SLC44A5: variants seen among roughly 807,000 people sequenced by gnomAD.
SLC44A5 encodes the protein choline transporter-like protein 5.
A neutral mutation model predicts 101.8 loss-of-function variants in SLC44A5; 57 were observed. The observed-to-expected ratio is 0.56, with a 90% confidence interval of 0.45 to 0.70. The LOEUF (loss-of-function observed/expected upper bound fraction) is 0.70. Ranked by LOEUF, SLC44A5 falls within the 30% of genes least tolerant of loss-of-function variation. SLC44A5 has a pLI of 0.00. For missense variants in SLC44A5, 737 were observed against 853.1 expected (o/e 0.86, Z 1.70); for synonymous variants, 281 against 290.9 (o/e 0.97, Z 0.35).
At chr1:75,321,441 G>A (rs965627355) in intron 4 of SLC44A5, among the ~76,000 whole-genome samples, 1 of 148,428 alleles carries the variant, frequency 6.7e-6, no homozygotes, top group African/African-American at 2.6e-5. Flanking sequence ...TTGCTGTATT[G>A]TTATATGGCA....
the SLC44A5 span, among the ~76,000 whole-genome samples, chr1:75,664,658 C>T: frequency 6.6e-6 from 1 of 151,998 alleles, no homozygotes; most frequent in African/African-American, 2.4e-5. Flanking sequence ...GAAGAAATCA[C>T]AGCCTGTAAT....
chr1:75,663,313 T>C, the SLC44A5 span, among the ~76,000 whole-genome samples: 2 of 152,164 alleles, frequency 1.3e-5, no homozygotes, highest in African/African-American at 4.8e-5. Context: ...AGCATTCTTT[T>C]GTTCCATCAT....
At chr1:75,634,515 T>A in the SLC44A5 span, among the ~76,000 whole-genome samples, 6 of 151,036 alleles carry the variant, frequency 4.0e-5, no homozygotes, top group Non-Finnish European at 8.8e-5. Context: ...GCCGCATATC[T>A]ACAACTATCT....
At chr1:75,656,032 T>C in the SLC44A5 span, among the ~76,000 whole-genome samples, 1 of 152,052 alleles carries the variant, frequency 6.6e-6, no homozygotes, top group African/African-American at 2.4e-5. Context: ...AAATAACATA[T>C]AAAGGAGTTC....
chr1:75,544,832 GT>G (rs1671555990), intron 1 of SLC44A5, among the ~76,000 whole-genome samples: 1 of 151,962 alleles, frequency 6.6e-6, no homozygotes, highest in Non-Finnish European at 1.5e-5. Context: ...TTCACATTTT[GT>G]TTTTCATGAC....
chr1:75,563,384 A>G (rs142353370), intron 1 of SLC44A5, among the ~76,000 whole-genome samples: 2 of 152,190 alleles, frequency 1.3e-5, no homozygotes, highest in Non-Finnish European at 2.9e-5. Context: ...CTAAACAAGA[A>G]AGGGTCTTAT....
the SLC44A5 span, among the ~76,000 whole-genome samples, chr1:75,676,964 AT>A: frequency 6.6e-6 from 1 of 152,216 alleles, no homozygotes; most frequent in South Asian, 2.1e-4. Context: ...GTGGCATGAC[AT>A]ATTTAAAGTG....
chr1:75,340,063 T>G lies in SLC44A5; in HGVS notation c.53-433A>C, dbSNP rs148423479. On this transcript the variant is annotated intron_variant, in intron 3 of 23. Transcript: ENST00000370859. ...TCCCATTCCTCTCAGTAGATTAGAGTTTCCTTCGAGAAGTTCAAATACTAG... is the reference window on the plus strand; with the variant it reads ...TCCCATTCCTCTCAGTAGATTAGAGGTTCCTTCGAGAAGTTCAAATACTAG... Among the ~76,000 whole-genome samples, 96 of 152,226 alleles carry G rather than the reference T, an allele frequency of 6.3e-4. No homozygotes were observed. In the East Asian group the frequency reaches 0.018, roughly 29 times the overall value.
intron 6 of SLC44A5, among the ~76,000 whole-genome samples, chr1:75,256,380 G>T (rs529431410): frequency 6.6e-6 from 1 of 152,038 alleles, no homozygotes; most frequent in South Asian, 2.1e-4. Context: ...AAACCTTGTG[G>T]GTAAACAAAA....
intron 2 of SLC44A5, among the ~76,000 whole-genome samples, chr1:75,497,592 T>A (rs1275731017): frequency 2.6e-5 from 4 of 152,096 alleles, no homozygotes; most frequent in Admixed American, 6.6e-5. Context: ...AATAGTACCG[T>A]AAGACATATG....
intron 14 of SLC44A5, 82 bp from the exon 15 acceptor site, chr1:75,219,974 A>G: frequency 1.3e-6 from 1 of 778,862 alleles, no homozygotes; most frequent in Non-Finnish European, 2.0e-6. Flanking sequence ...GAAAACTGGT[A>G]ATAACCACGG....
chr1:75,264,518 A>C (rs563168064), intron 6 of SLC44A5, among the ~76,000 whole-genome samples: 79 of 152,382 alleles, frequency 5.2e-4, no homozygotes, highest in African/African-American at 1.8e-3. Context: ...AAATAAATGG[A>C]AATTAAATAA....
Position 75,456,051 on chromosome 1 carries a change from C to T in SLC44A5, c.14-59430G>A, listed in dbSNP as rs574868213. On this transcript the variant is annotated intron_variant, in intron 2 of 23. Coordinates refer to ENST00000370859, the MANE Select transcript of SLC44A5 (RefSeq NM_001130058.2). ...AATAAACCATTCTACCAAAAAGACA[C>T]ATGTACTTCCCTGTTCACTGCAGCA... Among the ~76,000 whole-genome samples the T allele has an allele frequency of 2.0e-5, 3 of 152,260 alleles. No homozygotes were observed. The East Asian group carries it at 5.8e-4, about 29-fold the overall frequency.
At chr1:75,516,305 G>A (rs921961732) in intron 2 of SLC44A5, among the ~76,000 whole-genome samples, 3 of 152,132 alleles carry the variant, frequency 2.0e-5, no homozygotes, top group African/African-American at 4.8e-5. Flanking sequence ...ACGAGGTCAG[G>A]AGATAGAGAC....
intron 2 of SLC44A5, among the ~76,000 whole-genome samples, chr1:75,483,177 A>G (rs1667967230): frequency 6.6e-6 from 1 of 152,210 alleles, no homozygotes; most frequent in African/African-American, 2.4e-5. Flanking sequence ...GTTGGCCAAA[A>G]CTGGCCTGAG....
the SLC44A5 span, among the ~76,000 whole-genome samples, chr1:75,655,229 T>C: frequency 1.3e-5 from 2 of 152,130 alleles, no homozygotes; most frequent in Non-Finnish European, 2.9e-5. Flanking sequence ...AATAATCTGT[T>C]CACCAATCCC....
chr1:75,604,205 G>A (rs1003850089), intron 1 of SLC44A5, among the ~76,000 whole-genome samples: 1 of 152,022 alleles, frequency 6.6e-6, no homozygotes, highest in African/African-American at 2.4e-5. Flanking sequence ...AACAAGGTAG[G>A]GGTCCAGTTT....
chr1:75,680,970 A>G, the SLC44A5 span, among the ~76,000 whole-genome samples: 2 of 150,672 alleles, frequency 1.3e-5, no homozygotes, highest in Admixed American at 1.3e-4. Flanking sequence ...ACCATCAGAG[A>G]ATACTACAAA....
chr1:75,550,847 T>C (rs1241253531), intron 1 of SLC44A5, among the ~76,000 whole-genome samples: 1 of 152,170 alleles, frequency 6.6e-6, no homozygotes, highest in Non-Finnish European at 1.5e-5. Flanking sequence ...TTTGGACTCA[T>C]TAACCTTGAG....
Sources: allele counts gnomAD v4.1 joint callset (sites outside exome capture counted in the v4.1 genomes callset), GRCh38; gene constraint gnomAD v4.1.1; transcripts MANE v1.5; gene names NCBI Gene and HGNC (gene_info 2026-07-23, HGNC 2026-07-21).